ZBTB2: variants seen among roughly 807,000 people sequenced by gnomAD.
ZBTB2 encodes the protein zinc finger and BTB domain containing 2.
ZBTB2 carries 2 observed loss-of-function variants against 39.5 expected under a neutral mutation model. The observed-to-expected ratio is 0.05, with a 90% confidence interval of 0.02 to 0.16. The LOEUF is 0.16. Among genes scored for constraint, ZBTB2 ranks in the 10% least tolerant of loss-of-function variants. ZBTB2 has a pLI of 1.00. For missense variants in ZBTB2, 391 were observed against 653.0 expected (o/e 0.60, Z 4.37); for synonymous variants, 251 against 256.6 (o/e 0.98, Z 0.21).
intron 2 of ZBTB2, among the ~76,000 whole-genome samples, chr6:151,370,904 T>C (rs559949032): frequency 6.6e-6 from 1 of 152,234 alleles, no homozygotes; most frequent in African/African-American, 2.4e-5. Context: ...TGCTTTACAC[T>C]GTTGTATTAC....
intron 1 of ZBTB2, among the ~76,000 whole-genome samples, chr6:151,379,331 T>C (rs1183682564): frequency 1.3e-5 from 2 of 152,178 alleles, no homozygotes; most frequent in African/African-American, 4.8e-5. Flanking sequence ...TATTCGATTG[T>C]CTTTTTCTTA....
rs1358719272 is a variant in ZBTB2 at position 151,364,947 on chromosome 6, G to A, written c.*574C>T. On this transcript the variant is annotated 3_prime_UTR_variant, in exon 3 of 3. Coordinates refer to ENST00000325144, the MANE Select transcript of ZBTB2 (RefSeq NM_020861.3). The stretch of plus-strand genomic sequence containing the variant: ...CACATTATTACTTTTTCTCCTTTTT[G>A]TTTTGTTAAAGTAGATTTCTTAACT... The A allele has an allele frequency of 6.6e-6, 1 of 152,572 alleles. No homozygotes were observed. The highest frequency in any genetic ancestry group is 1.5e-5 in the Non-Finnish European group (1 of 68,080). 9.5% of individuals were successfully genotyped at this position (152,572 alleles called of 1,614,324 possible).
intron 1 of ZBTB2, among the ~76,000 whole-genome samples, chr6:151,373,976 G>A (rs926263168): frequency 1.3e-5 from 2 of 151,776 alleles, no homozygotes; most frequent in African/African-American, 4.8e-5. Flanking sequence ...CAGGTGGTCT[G>A]CCTTTAAGCA....
chr6:151,366,945 C>A lies in ZBTB2; in HGVS notation c.174-53G>T. Reference sequence around the variant, plus strand: ...GAGTAAATGCCAGTCTAGGTGTTAACATAAAGCCTGAAGAAAAAAATGAAT... The same window carrying A: ...GAGTAAATGCCAGTCTAGGTGTTAAAATAAAGCCTGAAGAAAAAAATGAAT... On this transcript the variant is annotated intron_variant, in intron 2 of 2. Coordinates refer to ENST00000325144, the MANE Select transcript of ZBTB2 (RefSeq NM_020861.3). The surrounding 1 kb of genome is among the most constrained non-coding windows in gnomAD (Gnocchi z 7.1). The A allele has an allele frequency of 6.6e-7, 1 of 1,510,988 alleles. No homozygotes were observed. The highest frequency in any genetic ancestry group is 8.8e-7 in the Non-Finnish European group (1 of 1,131,442). The allele number at this position is 1,510,988 out of a possible 1,614,324, so 93.6% of individuals were successfully genotyped here. A position where few individuals can be genotyped will look rare whatever the true frequency, so the allele number is the denominator to read the frequency against.
At chr6:151,379,650 A>G (rs949245749) in intron 1 of ZBTB2, among the ~76,000 whole-genome samples, 2 of 151,090 alleles carry the variant, frequency 1.3e-5, no homozygotes, top group African/African-American at 2.4e-5. Context: ...AAAAAAAAAA[A>G]AAAAAAAAAA....
intron 1 of ZBTB2, among the ~76,000 whole-genome samples, chr6:151,377,738 GTTA>G (rs1411352108): frequency 5.3e-5 from 8 of 151,826 alleles, no homozygotes; most frequent in Non-Finnish European, 5.9e-5. Flanking sequence ...TCACCATGTT[GTTA>G]GCCAGGACAG....
intron 2 of ZBTB2, among the ~76,000 whole-genome samples, chr6:151,371,605 T>A (rs1454160873): frequency 6.6e-6 from 1 of 152,068 alleles, no homozygotes; most frequent in African/African-American, 2.4e-5. Flanking sequence ...CAGTCGCAGA[T>A]GAGACTAGAA....
At chr6:151,372,773 G>C (rs1043898843) in intron 2 of ZBTB2, among the ~76,000 whole-genome samples, 3 of 152,080 alleles carry the variant, frequency 2.0e-5, no homozygotes, top group Non-Finnish European at 4.4e-5. Flanking sequence ...GACTGGGGCT[G>C]GAGGAATGAG....
intron 1 of ZBTB2, among the ~76,000 whole-genome samples, chr6:151,384,856 A>G (rs1226500853): frequency 6.6e-6 from 1 of 152,204 alleles, no homozygotes; most frequent in Admixed American, 6.5e-5. Context: ...TTATCAACAA[A>G]TAAGAGTCAG....
intron 1 of ZBTB2, among the ~76,000 whole-genome samples, chr6:151,387,779 T>C (rs1361231286): frequency 6.6e-6 from 1 of 152,208 alleles, no homozygotes; most frequent in African/African-American, 2.4e-5. Flanking sequence ...ACCTCAAGCA[T>C]GTGAACTGGG....
chr6:151,378,537 T>A (rs751129733), intron 1 of ZBTB2, among the ~76,000 whole-genome samples: 1 of 152,202 alleles, frequency 6.6e-6, no homozygotes, highest in Non-Finnish European at 1.5e-5. Flanking sequence ...GAAACATCAC[T>A]CTAACCTGAC....
At chr6:151,385,244 C>G (rs1779127635) in intron 1 of ZBTB2, among the ~76,000 whole-genome samples, 1 of 152,146 alleles carries the variant, frequency 6.6e-6, no homozygotes, top group Non-Finnish European at 1.5e-5. Flanking sequence ...AAGACATACT[C>G]ATGTTGAAAA....
chr6:151,384,247 T>A (rs1321712019), intron 1 of ZBTB2, among the ~76,000 whole-genome samples: 1 of 152,144 alleles, frequency 6.6e-6, no homozygotes, highest in African/African-American at 2.4e-5. Context: ...AGACGTCATG[T>A]TAAGGATTTT....
chr6:151,388,740 T>G (rs948346384), intron 1 of ZBTB2, among the ~76,000 whole-genome samples: 3 of 152,228 alleles, frequency 2.0e-5, no homozygotes, highest in African/African-American at 4.8e-5. Context: ...AAAGTTGATA[T>G]TAAAGTTTAA....
chr6:151,382,801 C>G (rs1195437567), intron 1 of ZBTB2, among the ~76,000 whole-genome samples: 1 of 152,010 alleles, frequency 6.6e-6, no homozygotes, highest in Non-Finnish European at 1.5e-5. Flanking sequence ...GGTGATCCAC[C>G]CGCTCGGCCT....
At chr6:151,384,874 C>T (rs1779119626) in intron 1 of ZBTB2, among the ~76,000 whole-genome samples, 1 of 152,168 alleles carries the variant, frequency 6.6e-6, no homozygotes, top group South Asian at 2.1e-4. Context: ...CAGGATTGAA[C>T]TCTGGTCTTC....
chr6:151,384,789 C>T (rs1014438367), intron 1 of ZBTB2, among the ~76,000 whole-genome samples: 7 of 152,144 alleles, frequency 4.6e-5, no homozygotes, highest in Non-Finnish European at 1.0e-4. Context: ...GAATTGTCTG[C>T]GTCTTCAGAA....
At chr6:151,370,778 C>T (rs774066356) in intron 2 of ZBTB2, among the ~76,000 whole-genome samples, 5 of 152,154 alleles carry the variant, frequency 3.3e-5, no homozygotes, top group Non-Finnish European at 5.9e-5. Context: ...TTGAAAAGTA[C>T]GCCCCTGGCC....
intron 2 of ZBTB2, chr6:151,370,267 C>G (rs866944418): frequency 6.1e-6 from 1 of 163,210 alleles, no homozygotes; most frequent in Non-Finnish European, 1.3e-5. Context: ...TCCCGAGTAG[C>G]TGGGATTACA....
Sources: allele counts gnomAD v4.1 joint callset (sites outside exome capture counted in the v4.1 genomes callset), GRCh38; gene constraint gnomAD v4.1.1; non-coding constraint Gnocchi (gnomAD v3.1); transcripts MANE v1.5; gene names NCBI Gene and HGNC (gene_info 2026-07-23, HGNC 2026-07-21).